RASA3: variants seen among roughly 807,000 people sequenced by gnomAD.
RASA3 encodes ras GTPase-activating protein 3.
Under a neutral mutation model 110.0 loss-of-function variants are expected in RASA3, and 73 were observed. That is an observed-to-expected ratio of 0.66 (90% CI 0.55 to 0.81). The LOEUF (loss-of-function observed/expected upper bound fraction) is 0.81. Among genes scored for constraint, RASA3 ranks in the 30% least tolerant of loss-of-function variants. The pLI is 0.00. For missense variants in RASA3, 976 were observed against 1,113.2 expected (o/e 0.88, Z 1.75); for synonymous variants, 500 against 451.4 (o/e 1.11, Z -1.37).
At chr13:114,100,219 G>A (rs1054287678) in intron 1 of RASA3, among the ~76,000 whole-genome samples, 18 of 151,634 alleles carry the variant, frequency 1.2e-4, no homozygotes, top group South Asian at 4.2e-4. Context: ...CCCGGCCCGC[G>A]GTGCTGAGGG....
Position 114,011,145 on chromosome 13 carries a change from AG to A in RASA3, c.1590+25del. ...AGAAAAGAATCAGTTGTCCCTAAAA[AG>A]AGAAAATGAAGAAGAGGGACTCACA... is the stretch of plus-strand genomic sequence containing the variant. On this transcript the variant is annotated intron_variant, in intron 16 of 23. Transcript: ENST00000334062. The surrounding 1 kb of genome is among the most constrained non-coding windows in gnomAD (Gnocchi z 4.8). 1 of 1,575,822 alleles carries A rather than the reference AG, an allele frequency of 6.3e-7. No individual in the cohort carries two copies. The highest frequency in any genetic ancestry group is 2.2e-5 in the East Asian group (1 of 44,678).
rs2053106701 is a variant in RASA3, at chr13:113,991,287, TCA to T, written c.2245+1196_2245+1197del. On this transcript the variant is annotated intron_variant, in intron 22 of 23. Coordinates refer to ENST00000334062, the MANE Select transcript of RASA3 (RefSeq NM_007368.4). Reference sequence around the variant, plus strand: ...GGCTGGAGAACAGGCGTGGCCAAGCTCACAGATGGGCAGCTGCATGGACACTC... The same window carrying T: ...GGCTGGAGAACAGGCGTGGCCAAGCTCAGATGGGCAGCTGCATGGACACTC... Among the ~76,000 whole-genome samples, 3 of 152,060 alleles carry T rather than the reference TCA, an allele frequency of 2.0e-5. No homozygotes were observed. In the South Asian group the frequency reaches 6.2e-4, roughly 31 times the overall value.
intron 7 of RASA3, among the ~76,000 whole-genome samples, chr13:114,025,270 A>G (rs1566495102): frequency 6.6e-6 from 1 of 152,258 alleles, no homozygotes; most frequent in Non-Finnish European, 1.5e-5. Context: ...ACTGAGGTGA[A>G]GATCACGCAG....
intron 19 of RASA3, among the ~76,000 whole-genome samples, 156 bp downstream of exon 19, chr13:114,000,670 G>A (rs1052491074): frequency 6.6e-6 from 1 of 152,330 alleles, no homozygotes; most frequent in South Asian, 2.1e-4. Flanking sequence ...TTTGAAGGGA[G>A]AACCAGAAGC....
chr13:114,007,661 G>A lies in RASA3; in HGVS notation c.1669-55C>T, dbSNP rs555455689. 11 of 1,411,322 alleles carry A rather than the reference G, an allele frequency of 7.8e-6. No individual in the cohort carries two copies. The East Asian group carries it at 9.1e-5, about 12-fold the overall frequency. 87.4% of individuals were successfully genotyped at this position (1,411,322 alleles called of 1,614,324 possible). A position where few individuals can be genotyped will look rare whatever the true frequency, so the allele number is the denominator to read the frequency against. ...AGGAAGCCACACATCTGACGTGCACGGCTCTCTGTATAACAACAGCGTCGG... is the reference window on the plus strand; with the variant it reads ...AGGAAGCCACACATCTGACGTGCACAGCTCTCTGTATAACAACAGCGTCGG... On this transcript the variant is annotated intron_variant, in intron 17 of 23. Transcript: ENST00000334062.
chr13:114,093,674 C>T (rs774921151), intron 1 of RASA3, among the ~76,000 whole-genome samples: 7 of 152,104 alleles, frequency 4.6e-5, no homozygotes, highest in Non-Finnish European at 2.9e-5. Flanking sequence ...CCCTTTTTAA[C>T]TCTGATAGCT....
chr13:114,052,432 C>T (rs1478881001), intron 2 of RASA3, among the ~76,000 whole-genome samples: 1 of 152,186 alleles, frequency 6.6e-6, no homozygotes, highest in Non-Finnish European at 1.5e-5. Context: ...ACGGCCACTG[C>T]CAGAATGACT....
Position 114,017,253 on chromosome 13 carries a change from T to C in RASA3, c.1190A>G (p.Lys397Arg). 6.2e-7 allele frequency: 1 copy of C among 1,613,626 alleles called. No individual in the cohort carries two copies. The highest frequency in any genetic ancestry group is 8.5e-7 in the Non-Finnish European group (1 of 1,179,978). Residue 397 changes from lysine to arginine, a missense_variant, in exon 12 of 24, where the codon AAG becomes AGG. By Grantham distance (26) the Lys-to-Arg change is conservative. Transcript: ENST00000334062. Reference sequence around the variant, plus strand: ...CGTGCTCACCTCCTCGATGGCGGGCTTCAGGGTGACATGCAGGTAATGCAT... The same window carrying C: ...CGTGCTCACCTCCTCGATGGCGGGCCTCAGGGTGACATGCAGGTAATGCAT... The part of the protein sequence containing the change: ...AGMHYLHVTL[K>R]PAIEEICQSH...
At chr13:114,078,574 G>A (rs1406978236) in intron 1 of RASA3, among the ~76,000 whole-genome samples, 5 of 152,168 alleles carry the variant, frequency 3.3e-5, no homozygotes, top group African/African-American at 4.8e-5. Context: ...ACAGCACCTC[G>A]CATCGGCTCT....
At chr13:114,012,982 T>C (rs1309104735) in intron 15 of RASA3, among the ~76,000 whole-genome samples, 160 bp downstream of exon 15, 1 of 143,182 alleles carries the variant, frequency 7.0e-6, no homozygotes, top group Admixed American at 6.9e-5. Context: ...CACTCACTCC[T>C]CATTCCACAC....
intron 3 of RASA3, among the ~76,000 whole-genome samples, chr13:114,043,644 G>A (rs1051996085): frequency 6.6e-6 from 1 of 152,110 alleles, no homozygotes; most frequent in Non-Finnish European, 1.5e-5. Flanking sequence ...GGGCAGGCGA[G>A]AGCCAAATCA....
intron 1 of RASA3, among the ~76,000 whole-genome samples, chr13:114,117,911 GCA>G (rs2080316321): frequency 6.8e-6 from 1 of 147,822 alleles, no homozygotes. Context: ...AGGGGTGCAT[GCA>G]CACACACCTG....
intron 1 of RASA3, among the ~76,000 whole-genome samples, chr13:114,079,307 C>T (rs1448247842): frequency 1.3e-5 from 2 of 152,176 alleles, no homozygotes; most frequent in East Asian, 3.9e-4. Flanking sequence ...CAGGTGATGG[C>T]GACAGCCCCG....
Position 114,046,734 on chromosome 13 carries a change from C to T in RASA3, c.277+5318G>A, listed in dbSNP as rs186836990. The stretch of plus-strand genomic sequence containing the variant: ...GAGCCCTGCCTTCAGAGTCCAGTCC[C>T]GCCTCCTACCTCAGATGGAAGAGAA... On this transcript the variant is annotated intron_variant, in intron 3 of 23. Coordinates refer to ENST00000334062, the MANE Select transcript of RASA3 (RefSeq NM_007368.4). Among the ~76,000 whole-genome samples the T allele has an allele frequency of 5.9e-5, 9 of 152,248 alleles. No homozygotes were observed. The East Asian group carries it at 1.4e-3, about 23-fold the overall frequency.
At chr13:114,121,109 A>G (rs2080369362) in intron 1 of RASA3, among the ~76,000 whole-genome samples, 2 of 152,266 alleles carry the variant, frequency 1.3e-5, no homozygotes, top group African/African-American at 2.4e-5. Flanking sequence ...GATGTTTCTT[A>G]TACAAATACA....
At chr13:114,043,769 C>T (rs2078980014) in intron 3 of RASA3, among the ~76,000 whole-genome samples, 1 of 151,980 alleles carries the variant, frequency 6.6e-6, no homozygotes, top group African/African-American at 2.4e-5. Flanking sequence ...CCAATGGCCT[C>T]TAATGGCGCA....
intron 1 of RASA3, among the ~76,000 whole-genome samples, chr13:114,121,656 T>C (rs1345942810): frequency 6.6e-6 from 1 of 152,238 alleles, no homozygotes; most frequent in Non-Finnish European, 1.5e-5. Context: ...ACCTTTGACC[T>C]TCGGCTTCCC....
chr13:114,074,005 T>C (rs2079625158), intron 1 of RASA3, among the ~76,000 whole-genome samples, 168 bp from the exon 2 acceptor site: 1 of 152,370 alleles, frequency 6.6e-6, no homozygotes, highest in East Asian at 1.9e-4. Context: ...CCATGTGTAC[T>C]GCCGAAAGGC....
chr13:114,129,733 G>A (rs1024744252), intron 1 of RASA3, among the ~76,000 whole-genome samples: 1 of 152,148 alleles, frequency 6.6e-6, no homozygotes, highest in Non-Finnish European at 1.5e-5. Flanking sequence ...CGTTCCCACC[G>A]GATGTAGTAG....
Sources: allele counts gnomAD v4.1 joint callset (sites outside exome capture counted in the v4.1 genomes callset), GRCh38; gene constraint gnomAD v4.1.1; non-coding constraint Gnocchi (gnomAD v3.1); transcripts MANE v1.5; gene names NCBI Gene and HGNC (gene_info 2026-07-23, HGNC 2026-07-21).